Variants in SYN3 observed in about 807,000 individuals in gnomAD.
SYN3 encodes synapsin III, also known as synapsin-3.
SYN3 carries 35 observed loss-of-function variants against 65.8 expected under a neutral mutation model. The observed-to-expected ratio is 0.53, with a 90% CI of 0.41 to 0.70. SYN3 has a LOEUF of 0.70. Among genes scored for constraint, SYN3 ranks in the 30% least tolerant of loss-of-function variants. The pLI is 0.00. For synonymous variants in SYN3, 270 were observed against 292.9 expected (o/e 0.92, Z 0.80); for missense variants, 680 against 749.0 (o/e 0.91, Z 1.08).
At chr22:32,966,498 G>A (rs73408546) in intron 3 of SYN3, among the ~76,000 whole-genome samples, 2 of 152,108 alleles carry the variant, frequency 1.3e-5, no homozygotes, top group African/African-American at 4.8e-5. Flanking sequence ...CAGAGCTTGA[G>A]ACCCCCAAAA....
intron 2 of SYN3, among the ~76,000 whole-genome samples, chr22:32,999,512 G>A (rs758457238): frequency 1.3e-5 from 2 of 152,146 alleles, no homozygotes; most frequent in South Asian, 2.1e-4. Context: ...AGATGAAACC[G>A]TCTCTACTAA....
intron 6 of SYN3, among the ~76,000 whole-genome samples, chr22:32,755,930 A>T (rs1407559547): frequency 6.6e-6 from 1 of 152,182 alleles, no homozygotes; most frequent in African/African-American, 2.4e-5. Flanking sequence ...AGGGACATGG[A>T]TGAAGCTGGA....
intron 3 of SYN3, among the ~76,000 whole-genome samples, chr22:32,977,159 GCA>G (rs1398022700): frequency 6.6e-6 from 1 of 152,138 alleles, no homozygotes; most frequent in African/African-American, 2.4e-5. Context: ...TCATAGAGGG[GCA>G]GGTTGGAAAT....
intron 4 of SYN3, among the ~76,000 whole-genome samples, chr22:32,876,806 G>A (rs1221699805): frequency 6.6e-6 from 1 of 152,142 alleles, no homozygotes; most frequent in Non-Finnish European, 1.5e-5. Context: ...AAGGAGAGAT[G>A]AAAACCACTC....
intron 6 of SYN3, among the ~76,000 whole-genome samples, chr22:32,743,935 C>A (rs1323986886): frequency 1.3e-5 from 2 of 152,094 alleles, no homozygotes; most frequent in Non-Finnish European, 2.9e-5. Context: ...AGGTTTGAAT[C>A]CTGACTCATC....
intron 7 of SYN3, among the ~76,000 whole-genome samples, chr22:32,557,694 T>C (rs996920704): frequency 2.0e-5 from 3 of 152,216 alleles, no homozygotes; most frequent in Non-Finnish European, 4.4e-5. Flanking sequence ...AAGAGGGGAA[T>C]TGGGAGGGGA....
At chr22:32,909,150 C>A in intron 4 of SYN3, among the ~76,000 whole-genome samples, 1 of 152,200 alleles carries the variant, frequency 6.6e-6, no homozygotes, top group East Asian at 1.9e-4. Context: ...GGGAGGTACA[C>A]AGCAAGATAC....
At chr22:32,805,024 TGC>T (rs1057218694) in intron 6 of SYN3, among the ~76,000 whole-genome samples, 34 of 51,444 alleles carry the variant, frequency 6.6e-4, no homozygotes, top group Non-Finnish European at 1.1e-3. Context: ...TGTGCGTGTG[TGC>T]GTGTGTGTGT....
At chr22:32,905,959 T>A (rs890882971) in intron 4 of SYN3, among the ~76,000 whole-genome samples, 1 of 152,130 alleles carries the variant, frequency 6.6e-6, no homozygotes, top group Non-Finnish European at 1.5e-5. Flanking sequence ...AGGTTTGGTA[T>A]CATTGGCAGA....
chr22:33,002,119 G>A (rs2053076849), intron 2 of SYN3, among the ~76,000 whole-genome samples: 3 of 152,194 alleles, frequency 2.0e-5, no homozygotes, highest in African/African-American at 4.8e-5. Flanking sequence ...GAGCCTAATA[G>A]TGATGCTTTA....
At chr22:32,726,530 T>C (rs2061196908) in intron 6 of SYN3, among the ~76,000 whole-genome samples, 1 of 152,216 alleles carries the variant, frequency 6.6e-6, no homozygotes, top group South Asian at 2.1e-4. Flanking sequence ...AATGTGGCAT[T>C]GTGATCTGGC....
intron 4 of SYN3, among the ~76,000 whole-genome samples, chr22:32,888,357 T>C (rs1463758909): frequency 1.3e-5 from 2 of 152,034 alleles, no homozygotes; most frequent in African/African-American, 4.8e-5. Context: ...TGGGGAAAAG[T>C]CTAGCAGGGG....
intron 3 of SYN3, among the ~76,000 whole-genome samples, chr22:32,949,738 G>A (rs779194834): frequency 1.3e-5 from 2 of 152,168 alleles, no homozygotes. Context: ...TAATCATGTT[G>A]ATGACAGAAT....
chr22:32,894,818 G>A (rs1203871522), intron 4 of SYN3, among the ~76,000 whole-genome samples: 1 of 152,214 alleles, frequency 6.6e-6, no homozygotes, highest in East Asian at 1.9e-4. Context: ...TCTGCTGGAG[G>A]CCTGCATAGA....
chr22:32,722,746 C>T (rs2061137622), intron 6 of SYN3, among the ~76,000 whole-genome samples: 1 of 152,170 alleles, frequency 6.6e-6, no homozygotes, highest in South Asian at 2.1e-4. Context: ...GCCAGTCCCC[C>T]AAACCCTATC....
At chr22:32,874,575 C>G (rs2048934720) in intron 4 of SYN3, among the ~76,000 whole-genome samples, 1 of 152,208 alleles carries the variant, frequency 6.6e-6, no homozygotes. Flanking sequence ...GTGGCAAGAA[C>G]AGCTCTTGGC....
intron 6 of SYN3, among the ~76,000 whole-genome samples, chr22:32,741,271 GGC>G (rs1250495801): frequency 6.6e-6 from 1 of 151,764 alleles, no homozygotes; most frequent in Admixed American, 6.6e-5. Context: ...AGGGAACTGA[GGC>G]ACACAGAGGT....
intron 10 of SYN3, among the ~76,000 whole-genome samples, chr22:32,533,060 T>G (rs1333350132): frequency 1.3e-4 from 17 of 132,892 alleles, no homozygotes; most frequent in African/African-American, 2.0e-4. Flanking sequence ...GGAGGAGAGG[T>G]GGGGGTTAGT....
intron 7 of SYN3, among the ~76,000 whole-genome samples, chr22:32,587,511 C>T (rs564546796): frequency 1.1e-4 from 17 of 152,202 alleles, no homozygotes; most frequent in South Asian, 4.2e-4. Context: ...CTCCCAGTTG[C>T]GGGGAACCTT....
Sources: gnomAD v4.1 joint callset for allele counts (sites outside exome capture counted in the v4.1 genomes callset) on GRCh38, gnomAD v4.1.1 for gene constraint, MANE v1.5 for transcripts, NCBI Gene and HGNC (gene_info 2026-07-23, HGNC 2026-07-21) for gene names.